Variants in PXDNL observed in about 807,000 individuals in gnomAD.
The protein encoded by PXDNL is peroxidasin like, also known as probable oxidoreductase PXDNL.
In PXDNL, 145 loss-of-function variants were observed where a neutral mutation model predicts 150.8. That is an observed-to-expected ratio of 0.96 (90% confidence interval 0.84 to 1.10). The LOEUF is 1.10. Ranked by LOEUF, PXDNL falls within the 50% of genes least tolerant of loss-of-function variation. The pLI, the probability that PXDNL is intolerant of heterozygous loss-of-function variation, is 0.00. For synonymous variants in PXDNL, 757 were observed against 725.7 expected, an observed-to-expected ratio of 1.04 and a Z score of -0.69; for missense variants, 2,087 against 1,873.9, an observed-to-expected ratio of 1.11 and a Z score of -2.10.
intron 4 of PXDNL, among the ~76,000 whole-genome samples, chr8:51,549,085 A>G (rs973203906): frequency 6.6e-6 from 1 of 152,212 alleles, no homozygotes; most frequent in Non-Finnish European, 1.5e-5. Flanking sequence ...AGACAAAAAG[A>G]GACATTATAT....
intron 4 of PXDNL, among the ~76,000 whole-genome samples, chr8:51,535,710 T>C (rs1281387224): frequency 4.3e-5 from 6 of 139,752 alleles, no homozygotes; most frequent in African/African-American, 1.9e-4. Context: ...CCAAGAATGA[T>C]CAATAAAAAA....
chr8:51,715,285 A>C (rs1341576656), intron 1 of PXDNL, among the ~76,000 whole-genome samples: 6 of 152,194 alleles, frequency 3.9e-5, no homozygotes, highest in Middle Eastern at 3.2e-3. Flanking sequence ...GGGAAATGCA[A>C]ATCAAAACCA....
intron 1 of PXDNL, among the ~76,000 whole-genome samples, chr8:51,790,483 G>C (rs999445600): frequency 2.0e-5 from 3 of 152,190 alleles, no homozygotes; most frequent in African/African-American, 7.2e-5. Flanking sequence ...AAAGCCTTCT[G>C]TTTTCTAAGA....
intron 3 of PXDNL, among the ~76,000 whole-genome samples, chr8:51,586,199 T>A (rs1001213064): frequency 2.6e-4 from 40 of 152,134 alleles, no homozygotes; most frequent in African/African-American, 8.0e-4. Flanking sequence ...AAAGCACTCA[T>A]CCCTGACTAT....
At chr8:51,736,803 T>C (rs765788592) in intron 1 of PXDNL, among the ~76,000 whole-genome samples, 7 of 152,208 alleles carry the variant, frequency 4.6e-5, no homozygotes, top group Non-Finnish European at 7.3e-5. Flanking sequence ...CAAATATTCA[T>C]TGCTGAAATC....
At chr8:51,416,442 A>G (rs1017774426) in intron 14 of PXDNL, among the ~76,000 whole-genome samples, 1 of 152,258 alleles carries the variant, frequency 6.6e-6, no homozygotes, top group Non-Finnish European at 1.5e-5. Flanking sequence ...ATTTACAAGC[A>G]TAGGGATTTT....
intron 2 of PXDNL, among the ~76,000 whole-genome samples, chr8:51,609,654 T>C (rs554902822): frequency 6.6e-6 from 1 of 151,946 alleles, no homozygotes; most frequent in East Asian, 1.9e-4. Context: ...GAAGGATAAA[T>C]CCAAGAACAA....
chr8:51,492,558 C>T (rs181612940), intron 5 of PXDNL, among the ~76,000 whole-genome samples: 11 of 152,246 alleles, frequency 7.2e-5, no homozygotes, highest in African/African-American at 2.6e-4. Context: ...ACAGATGGCA[C>T]CTGGAAAATC....
intron 1 of PXDNL, among the ~76,000 whole-genome samples, chr8:51,676,171 C>T (rs1460620512): frequency 6.6e-6 from 1 of 152,116 alleles, no homozygotes; most frequent in East Asian, 1.9e-4. Context: ...ATCTTTACCT[C>T]CTAAGAATGC....
intron 5 of PXDNL, among the ~76,000 whole-genome samples, chr8:51,489,840 G>C (rs72638038): frequency 9.3e-4 from 142 of 152,226 alleles, no homozygotes; most frequent in Non-Finnish European, 1.8e-3. Context: ...TCTCCCTTAA[G>C]CCTTTTCATA....
At chr8:51,543,744 T>G (rs942632651) in intron 4 of PXDNL, among the ~76,000 whole-genome samples, 4 of 125,544 alleles carry the variant, frequency 3.2e-5, no homozygotes, top group African/African-American at 1.2e-4. Context: ...AAGAAAGAAA[T>G]AATGACCAGT....
At position 51,809,298 on chromosome 8, in the gene PXDNL, C is replaced by A. The variant is rs763902004; in HGVS notation, c.47G>T (p.Gly16Val). The change falls in exon 1 of 23, where the codon GGG (glycine) becomes GTG (valine). Residue 16 changes from glycine (G) to valine (V), a missense_variant. By Grantham distance (109) the Gly-to-Val change is moderately radical (BLOSUM62 -3). Transcript: ENST00000356297. ...FCWTTLFLLAGWCLPGLPCPS... is the reference protein window; with the variant it reads ...FCWTTLFLLAVWCLPGLPCPS... ...GCAGGGCAACCCTGGCAGGCACCACCCGGCCAGGAGAAAGAGAGTGGTCCA... is the reference window on the plus strand; with the variant it reads ...GCAGGGCAACCCTGGCAGGCACCACACGGCCAGGAGAAAGAGAGTGGTCCA... The A allele has an allele frequency of 3.2e-6, 5 of 1,582,442 alleles. No homozygotes were observed. Among genetic ancestry groups the A allele is most frequent in the Non-Finnish European group, 4.3e-6 (5 of 1,164,212 alleles).
chr8:51,628,399 CTTTTTTTTTTT>C (rs71550276), intron 2 of PXDNL, among the ~76,000 whole-genome samples: 43 of 69,790 alleles, frequency 6.2e-4, no homozygotes, highest in African/African-American at 2.3e-3. Context: ...CTTTTCTTTT[CTTTTTTTTTTT>C]TTTTTTTTTT....
intron 5 of PXDNL, among the ~76,000 whole-genome samples, chr8:51,486,218 A>G (rs1362234911): frequency 1.3e-5 from 2 of 152,230 alleles, no homozygotes; most frequent in Admixed American, 6.5e-5. Context: ...AAAACAAATC[A>G]AAAGAAAAGT....
At chr8:51,641,511 A>G (rs1285668997) in intron 2 of PXDNL, among the ~76,000 whole-genome samples, 1 of 152,182 alleles carries the variant, frequency 6.6e-6, no homozygotes, top group East Asian at 1.9e-4. Context: ...ATTTACAAGA[A>G]AAAAACAAAC....
At chr8:51,539,437 T>C (rs1035888691) in intron 4 of PXDNL, among the ~76,000 whole-genome samples, 1 of 152,116 alleles carries the variant, frequency 6.6e-6, no homozygotes, top group Non-Finnish European at 1.5e-5. Flanking sequence ...GTTTTTCTTA[T>C]GTCTGTGATT....
At chr8:51,641,086 G>C (rs530579245) in intron 2 of PXDNL, among the ~76,000 whole-genome samples, 117 of 151,836 alleles carry the variant, frequency 7.7e-4, no homozygotes, top group South Asian at 3.4e-3. Context: ...ACAAACCTGA[G>C]AAAAACAAGC....
chr8:51,672,735 C>T (rs6988401), intron 1 of PXDNL, among the ~76,000 whole-genome samples: 128,097 of 152,196 alleles, frequency 0.84, 54,206 homozygotes, highest in African/African-American at 0.93. Context: ...AAATTAGTGC[C>T]TTTAAGGACT....
At chr8:51,326,796 A>G (rs545654254) in intron 21 of PXDNL, among the ~76,000 whole-genome samples, 1 of 152,096 alleles carries the variant, frequency 6.6e-6, no homozygotes, top group Non-Finnish European at 1.5e-5. Flanking sequence ...GTTGAGCTGC[A>G]TCACTCCCCA....
Sources: gnomAD v4.1 joint callset for allele counts (sites outside exome capture counted in the v4.1 genomes callset) on GRCh38, gnomAD v4.1.1 for gene constraint, MANE v1.5 for transcripts, NCBI Gene and HGNC (gene_info 2026-07-23, HGNC 2026-07-21) for gene names.